The following SLC39A11 variants were observed in gnomAD, a reference collection of about 807,000 sequenced individuals.
The protein encoded by SLC39A11 is zinc transporter ZIP11.
SLC39A11 carries 33 observed loss-of-function variants against 36.1 expected under a neutral mutation model. The observed-to-expected ratio is 0.91, with a 90% confidence interval of 0.69 to 1.22. The LOEUF is 1.22. SLC39A11 is among the 50% of genes most tolerant of loss of function. The pLI is 0.00. For missense variants in SLC39A11, 432 were observed against 430.3 expected (o/e 1.00, Z -0.03); for synonymous variants, 166 against 170.3 (o/e 0.97, Z 0.20).
chr17:73,009,085 G>A (rs1483679033), intron 4 of SLC39A11, among the ~76,000 whole-genome samples: 1 of 147,326 alleles, frequency 6.8e-6, no homozygotes, highest in African/African-American at 2.6e-5. Flanking sequence ...AAAAGGCAGG[G>A]GGGCGGGGTG....
chr17:72,657,649 C>T (rs1169326615), intron 7 of SLC39A11, among the ~76,000 whole-genome samples: 1 of 152,174 alleles, frequency 6.6e-6, no homozygotes, highest in African/African-American at 2.4e-5. Context: ...ATAGGACTTA[C>T]TCAGTGCTAA....
chr17:72,782,737 A>G (rs1450124007), intron 6 of SLC39A11, among the ~76,000 whole-genome samples: 1 of 145,248 alleles, frequency 6.9e-6, no homozygotes, highest in Non-Finnish European at 1.5e-5. Context: ...ACAGTGGCTT[A>G]TGCCTGTAAT....
At chr17:72,862,115 T>C (rs1326440643) in intron 5 of SLC39A11, among the ~76,000 whole-genome samples, 1 of 152,110 alleles carries the variant, frequency 6.6e-6, no homozygotes, top group Non-Finnish European at 1.5e-5. Context: ...TCAGGGGCCA[T>C]TGCCTTTTCA....
chr17:73,001,396 C>G (rs1027103792), intron 4 of SLC39A11, among the ~76,000 whole-genome samples: 10 of 118,204 alleles, frequency 8.5e-5, no homozygotes, highest in Non-Finnish European at 1.6e-4. Context: ...GGGAACATCA[C>G]ACTCTGGGGA....
intron 5 of SLC39A11, among the ~76,000 whole-genome samples, chr17:72,905,104 C>T (rs558452760): frequency 2.2e-5 from 3 of 134,692 alleles, no homozygotes; most frequent in Admixed American, 8.8e-5. Flanking sequence ...ACCCGGGAAG[C>T]GGAGCTTGCA....
intron 6 of SLC39A11, among the ~76,000 whole-genome samples, chr17:72,810,136 C>T (rs1435297338): frequency 6.7e-6 from 1 of 150,200 alleles, no homozygotes; most frequent in Non-Finnish European, 1.5e-5. Context: ...AATAATAATA[C>T]TTGAATACTC....
At chr17:72,956,479 G>A (rs1024887003) in intron 4 of SLC39A11, among the ~76,000 whole-genome samples, 7 of 152,190 alleles carry the variant, frequency 4.6e-5, no homozygotes, top group African/African-American at 1.7e-4. Context: ...GTAGAGCTTG[G>A]CAGAGTTTTC....
At chr17:72,648,679 G>T in intron 9 of SLC39A11, 124 bp downstream of exon 9, 1 of 1,187,066 alleles carries the variant, frequency 8.4e-7, no homozygotes, top group Non-Finnish European at 1.2e-6. Context: ...GGATGATCTT[G>T]GGAAGGGGCA....
At chr17:72,791,257 C>T (rs1000833728) in intron 6 of SLC39A11, among the ~76,000 whole-genome samples, 3 of 152,172 alleles carry the variant, frequency 2.0e-5, no homozygotes, top group Non-Finnish European at 2.9e-5. Context: ...GAGTTTGAGA[C>T]CAGCCTGGCC....
chr17:73,029,314 T>G (rs1218610904), intron 4 of SLC39A11, among the ~76,000 whole-genome samples: 3 of 151,664 alleles, frequency 2.0e-5, no homozygotes, highest in African/African-American at 7.3e-5. Context: ...GAAGCCCAGT[T>G]GGGTGCAGGA....
chr17:72,687,127 A>G (rs1265684270), intron 7 of SLC39A11, among the ~76,000 whole-genome samples: 1 of 152,004 alleles, frequency 6.6e-6, no homozygotes, highest in Admixed American at 6.5e-5. Context: ...CCTAGGCTCA[A>G]GCCATCTTCC....
chr17:72,780,775 G>T (rs1277034876), intron 6 of SLC39A11, among the ~76,000 whole-genome samples: 1 of 152,066 alleles, frequency 6.6e-6, no homozygotes, highest in Non-Finnish European at 1.5e-5. Context: ...AACACCTGAG[G>T]TCAGGAGTTT....
Position 72,838,840 on chromosome 17 carries a change from G to A in SLC39A11, c.601+10794C>T, listed in dbSNP as rs1026643182. ...CTGTCACTGTGAATTGGCTCATCACGAAGAACTGAGGGATAACATGGAGTT... is the reference window on the plus strand; with the variant it reads ...CTGTCACTGTGAATTGGCTCATCACAAAGAACTGAGGGATAACATGGAGTT... On this transcript the variant is annotated intron_variant, in intron 6 of 9. Transcript: ENST00000255559. Among the ~76,000 whole-genome samples, 9 of 152,286 alleles carry A rather than the reference G, an allele frequency of 5.9e-5. No individual in the cohort carries two copies. In the South Asian group the frequency reaches 8.3e-4, roughly 14 times the overall value.
intron 6 of SLC39A11, among the ~76,000 whole-genome samples, chr17:72,803,023 C>T (rs1363196004): frequency 1.3e-5 from 2 of 152,210 alleles, no homozygotes; most frequent in East Asian, 1.9e-4. Flanking sequence ...CCTGTTAAAC[C>T]CACCGTCCTT....
At chr17:72,764,906 A>G (rs755342517) in intron 6 of SLC39A11, among the ~76,000 whole-genome samples, 21 of 152,352 alleles carry the variant, frequency 1.4e-4, no homozygotes, top group Middle Eastern at 3.4e-3. Flanking sequence ...AAATTATAAC[A>G]GTGAGAAAAT....
chr17:72,762,223 G>C (rs934631923), intron 6 of SLC39A11, among the ~76,000 whole-genome samples: 1 of 152,230 alleles, frequency 6.6e-6, no homozygotes, highest in African/African-American at 2.4e-5. Flanking sequence ...CAAGTTACAG[G>C]TCGTAAAGGC....
chr17:72,649,337 C>A, intron 7 of SLC39A11, 69 bp from the exon 8 acceptor site: 3 of 1,443,966 alleles, frequency 2.1e-6, no homozygotes, highest in South Asian at 1.3e-5. Context: ...GAGTCCCTGG[C>A]CGAGGCCAAG....
At chr17:72,812,443 G>A (rs2077462084) in intron 6 of SLC39A11, among the ~76,000 whole-genome samples, 1 of 152,206 alleles carries the variant, frequency 6.6e-6, no homozygotes, top group Non-Finnish European at 1.5e-5. Flanking sequence ...AGATGTCTAG[G>A]CAATTTAATT....
chr17:72,969,362 A>T (rs922002083), intron 4 of SLC39A11, among the ~76,000 whole-genome samples: 1 of 151,986 alleles, frequency 6.6e-6, no homozygotes, highest in Admixed American at 6.6e-5. Flanking sequence ...GAGAGAGGAG[A>T]GAGGGAAAAA....
Sources: gnomAD v4.1 joint callset for allele counts (sites outside exome capture counted in the v4.1 genomes callset) on GRCh38, gnomAD v4.1.1 for gene constraint, MANE v1.5 for transcripts, NCBI Gene and HGNC (gene_info 2026-07-23, HGNC 2026-07-21) for gene names.